PDE1C: variants seen among roughly 807,000 people sequenced by gnomAD.
PDE1C encodes dual specificity calcium/calmodulin-dependent 3',5'-cyclic nucleotide phosphodiesterase 1C.
A neutral mutation model predicts 93.1 loss-of-function variants in PDE1C; 62 were observed. The observed-to-expected ratio is 0.67, with a 90% CI of 0.54 to 0.82. PDE1C has a LOEUF of 0.82. Ranked by LOEUF, PDE1C falls within the 40% of genes least tolerant of loss-of-function variation. PDE1C has a pLI of 0.00. For synonymous variants in PDE1C, 325 were observed against 310.1 expected, an observed-to-expected ratio of 1.05 and a Z score of -0.50; for missense variants, 742 against 884.6, an observed-to-expected ratio of 0.84 and a Z score of 2.04.
intron 2 of PDE1C, among the ~76,000 whole-genome samples, chr7:31,977,685 T>C (rs1414265684): frequency 6.6e-6 from 1 of 152,226 alleles, no homozygotes; most frequent in Non-Finnish European, 1.5e-5. Flanking sequence ...ACTTGTGTGT[T>C]CATCTTGTTT....
At chr7:31,896,524 G>A (rs111821071) in intron 2 of PDE1C, among the ~76,000 whole-genome samples, 2,167 of 152,058 alleles carry the variant, frequency 0.014, 55 homozygotes, top group African/African-American at 0.049. Flanking sequence ...GCCTTCTTGT[G>A]GTATATTCAC....
intron 14 of PDE1C, 54 bp downstream of exon 14, chr7:31,823,019 G>A: frequency 7.0e-7 from 1 of 1,437,564 alleles, no homozygotes; most frequent in South Asian, 1.4e-5. Flanking sequence ...ATAACTCAGA[G>A]AGGACAACCT....
chr7:31,694,058 A>G, the PDE1C span, among the ~76,000 whole-genome samples: 2 of 152,228 alleles, frequency 1.3e-5, no homozygotes, highest in African/African-American at 4.8e-5. Context: ...CATTCAACAA[A>G]TATTTATTAA....
chr7:32,186,716 CAG>C (rs1362972725), intron 2 of PDE1C, among the ~76,000 whole-genome samples: 1 of 151,980 alleles, frequency 6.6e-6, no homozygotes, highest in Non-Finnish European at 1.5e-5. Flanking sequence ...ACAGTATAGT[CAG>C]AGAGTATGTC....
At chr7:32,057,559 C>G (rs1384155311) in intron 1 of PDE1C, among the ~76,000 whole-genome samples, 1 of 152,136 alleles carries the variant, frequency 6.6e-6, no homozygotes, top group South Asian at 2.1e-4. Flanking sequence ...AAATAGGTTC[C>G]CCAAAGCTCT....
At position 32,420,392 on chromosome 7, in the gene PDE1C, TAC is replaced by T. The variant is rs371089592; in HGVS notation, c.310+7428_310+7429del. On this transcript the variant is annotated intron_variant, in intron 1 of 1. Transcript: ENST00000672256. ...GTATATATATGTGTATATATATATA[TAC>T]ACACACACACACACACACACATATA... is the stretch of plus-strand genomic sequence containing the variant. Among the ~76,000 whole-genome samples the T allele has an allele frequency of 1.8e-4, 6 of 32,876 alleles. 2 individuals carry two copies. Among genetic ancestry groups the T allele is most frequent in the Non-Finnish European group, 3.6e-4 (6 of 16,776 alleles). The allele number at this position is 32,876 out of a possible 152,430, so 21.6% of individuals were successfully genotyped here.
chr7:32,019,415 G>A (rs930288251), intron 2 of PDE1C, among the ~76,000 whole-genome samples: 1 of 152,130 alleles, frequency 6.6e-6, no homozygotes, highest in African/African-American at 2.4e-5. Context: ...TCACTGTGGT[G>A]AGGAAAGGCA....
intron 1 of PDE1C, among the ~76,000 whole-genome samples, chr7:32,335,150 C>T (rs997588489): frequency 6.6e-6 from 1 of 152,118 alleles, no homozygotes; most frequent in African/African-American, 2.4e-5. Flanking sequence ...AGGCCCTGAA[C>T]AGTATTTTCT....
At chr7:32,260,962 T>C (rs1810154244) in intron 1 of PDE1C, among the ~76,000 whole-genome samples, 2 of 152,178 alleles carry the variant, frequency 1.3e-5, no homozygotes, top group East Asian at 1.9e-4. Flanking sequence ...ATACAAAAAT[T>C]AGCTGGGCAT....
chr7:31,959,332 C>G (rs1036789037), intron 2 of PDE1C, among the ~76,000 whole-genome samples: 1 of 151,822 alleles, frequency 6.6e-6, no homozygotes, highest in South Asian at 2.1e-4. Flanking sequence ...TGCCTCAGCC[C>G]CCACCAAGTA....
the PDE1C span, among the ~76,000 whole-genome samples, chr7:31,652,272 C>T: frequency 6.6e-6 from 1 of 152,180 alleles, no homozygotes; most frequent in Non-Finnish European, 1.5e-5. Context: ...CAATCTTCCC[C>T]TTGCCCTGTA....
At chr7:32,308,624 T>C (rs1405436907) in intron 1 of PDE1C, among the ~76,000 whole-genome samples, 4 of 152,262 alleles carry the variant, frequency 2.6e-5, no homozygotes, top group African/African-American at 9.6e-5. Context: ...CCGCTGCTGA[T>C]ACCCAGGCAA....
chr7:31,757,017 G>C (rs10441082), intron 17 of PDE1C, among the ~76,000 whole-genome samples: 65,257 of 152,000 alleles, frequency 0.43, 14,355 homozygotes, highest in African/African-American at 0.45. Context: ...CAATAACAGG[G>C]ACATGCATGG....
At chr7:31,728,867 AT>A in the PDE1C span, among the ~76,000 whole-genome samples, 1 of 152,226 alleles carries the variant, frequency 6.6e-6, no homozygotes, top group Non-Finnish European at 1.5e-5. Context: ...GAAAGAGAAC[AT>A]TTTAGAGCTA....
chr7:32,008,559 A>C (rs17160788), intron 2 of PDE1C, among the ~76,000 whole-genome samples: 32,629 of 152,068 alleles, frequency 0.21, 3,562 homozygotes, highest in Non-Finnish European at 0.23. Flanking sequence ...ACTTGAAGAC[A>C]CATGAAAATC....
chr7:31,972,263 T>C (rs1239914711), intron 2 of PDE1C, among the ~76,000 whole-genome samples: 1 of 152,222 alleles, frequency 6.6e-6, no homozygotes, highest in East Asian at 1.9e-4. Flanking sequence ...ATACATTTGG[T>C]GATTTATTCA....
chr7:31,672,507 T>C, the PDE1C span, among the ~76,000 whole-genome samples: 1 of 109,954 alleles, frequency 9.1e-6, no homozygotes, highest in East Asian at 3.1e-4. Context: ...GTTTTGCATT[T>C]ATCTGAATGG....
chr7:31,744,023 A>G, the PDE1C span, among the ~76,000 whole-genome samples: 4 of 152,354 alleles, frequency 2.6e-5, no homozygotes, highest in South Asian at 8.3e-4. Flanking sequence ...TCTCTAGAAG[A>G]GACAGGCGGG....
intron 3 of PDE1C, among the ~76,000 whole-genome samples, chr7:32,169,102 T>C (rs1159606091): frequency 1.3e-5 from 2 of 152,136 alleles, no homozygotes; most frequent in Non-Finnish European, 2.9e-5. Flanking sequence ...AATATACTGT[T>C]TCAAATGTGA....
Sources: allele counts gnomAD v4.1 joint callset (sites outside exome capture counted in the v4.1 genomes callset), GRCh38; gene constraint gnomAD v4.1.1; transcripts MANE v1.5; gene names NCBI Gene and HGNC (gene_info 2026-07-23, HGNC 2026-07-21).